Variants in COG5 observed in about 807,000 individuals in gnomAD.
COG5 encodes the protein component of oligomeric golgi complex 5.
Under a neutral mutation model 110.4 loss-of-function variants are expected in COG5, and 86 were observed. The observed-to-expected ratio is 0.78, with a 90% CI of 0.65 to 0.93. The LOEUF (loss-of-function observed/expected upper bound fraction) is 0.93, where lower values mean the gene tolerates loss of function less well. COG5 is among the 40% of genes least tolerant of loss of function. The probability of loss-of-function intolerance (pLI) is 0.00; values close to 1 mark genes in which losing one functional copy is unlikely to be tolerated. For missense variants in COG5, 1,077 were observed against 987.0 expected (o/e 1.09, Z -1.22); for synonymous variants, 360 against 334.6 (o/e 1.08, Z -0.83).
At chr7:107,288,503 TC>T (rs1392415888) in intron 12 of COG5, among the ~76,000 whole-genome samples, 2 of 152,118 alleles carry the variant, frequency 1.3e-5, no homozygotes, top group Non-Finnish European at 1.5e-5. Flanking sequence ...TTTATAGACA[TC>T]CTAGGGGGCG....
intron 12 of COG5, among the ~76,000 whole-genome samples, chr7:107,288,030 T>C (rs987734812): frequency 6.6e-6 from 1 of 152,102 alleles, no homozygotes; most frequent in South Asian, 2.1e-4. Context: ...TGGGTATACA[T>C]CTGGAGCGAA....
At chr7:107,286,828 A>C (rs1311399384) in intron 12 of COG5, among the ~76,000 whole-genome samples, 10 of 152,148 alleles carry the variant, frequency 6.6e-5, no homozygotes, top group East Asian at 5.8e-4. Context: ...AATTTAATCT[A>C]TCTCTTCTTA....
chr7:107,558,683 A>C (rs992949505), intron 1 of COG5, among the ~76,000 whole-genome samples: 3 of 151,716 alleles, frequency 2.0e-5, no homozygotes, highest in Non-Finnish European at 4.4e-5. Context: ...TCAGGAGATC[A>C]AGACCATCCT....
intron 6 of COG5, among the ~76,000 whole-genome samples, chr7:107,453,528 C>T (rs901530621): frequency 2.6e-5 from 4 of 152,120 alleles, no homozygotes; most frequent in African/African-American, 7.2e-5. Context: ...TCTTCTATAA[C>T]GAGGAAGAAC....
At chr7:107,205,253 A>G (rs1798677350) in intron 21 of COG5, among the ~76,000 whole-genome samples, 1 of 152,190 alleles carries the variant, frequency 6.6e-6, no homozygotes, top group Non-Finnish European at 1.5e-5. Context: ...ACTTAGCAGG[A>G]TCCAGCATTG....
intron 6 of COG5, among the ~76,000 whole-genome samples, chr7:107,468,112 T>C (rs1052329389): frequency 2.6e-5 from 4 of 152,172 alleles, no homozygotes; most frequent in African/African-American, 9.7e-5. Flanking sequence ...GATTATCCAA[T>C]TCTAAGTCCC....
At chr7:107,391,907 T>C (rs1563006782) in intron 7 of COG5, among the ~76,000 whole-genome samples, 2 of 152,236 alleles carry the variant, frequency 1.3e-5, no homozygotes, top group East Asian at 1.9e-4. Flanking sequence ...CTGGCCAACA[T>C]GGTGAAACCC....
chr7:107,470,078 G>C (rs1168918134), intron 6 of COG5: 1 of 152,112 alleles, frequency 6.6e-6, no homozygotes, highest in Non-Finnish European at 1.5e-5. Context: ...AAAGCTGCCC[G>C]AACAGGCTTT....
intron 21 of COG5, among the ~76,000 whole-genome samples, chr7:107,205,273 T>C (rs1316771482): frequency 6.6e-6 from 1 of 152,230 alleles, no homozygotes; most frequent in African/African-American, 2.4e-5. Flanking sequence ...GTGGAATTCC[T>C]GAAGGCTGGT....
chr7:107,508,247 CG>C, intron 6 of COG5, among the ~76,000 whole-genome samples: 1 of 152,358 alleles, frequency 6.6e-6, no homozygotes, highest in South Asian at 2.1e-4. Context: ...GCACCTGGCT[CG>C]GAGGGTCCTA....
In COG5 at chr7:107,362,370, G is replaced by A. The variant is rs1037267212; in HGVS notation, c.886C>T (p.Arg296Cys). The A allele has an allele frequency of 2.5e-6, 4 of 1,613,870 alleles. No individual in the cohort carries two copies. The highest frequency in any genetic ancestry group is 1.3e-5 in the African/African-American group (1 of 74,996). ...TCCATATTGGTCCAGAATGAGGCAC[G>A]CAAAGCTGCAGTATTTCCTGGGGTT... ...MPTPGNTAALRASFWTNMEKL... is the reference protein window; with the variant it reads ...MPTPGNTAALCASFWTNMEKL... The change falls in exon 9 of 22, where the codon CGT (arginine) becomes TGT (cysteine). Residue 296 changes from arginine (R) to cysteine (C), a missense_variant. By Grantham distance (180) the Arg-to-Cys change is radical. Transcript: ENST00000297135.
chr7:107,326,625 G>T (rs915535731), intron 10 of COG5, among the ~76,000 whole-genome samples: 3 of 152,090 alleles, frequency 2.0e-5, no homozygotes, highest in Non-Finnish European at 2.9e-5. Context: ...AAAACTACAC[G>T]ATATGGTTGA....
In COG5 at chr7:107,372,770, A is replaced by AGGTGG. The variant is rs1814298466; in HGVS notation, c.670-15_670-11dup. The AGGTGG allele has an allele frequency of 6.2e-7, 1 of 1,613,280 alleles. No homozygotes were observed. Among genetic ancestry groups the AGGTGG allele is most frequent in the African/African-American group, 1.3e-5 (1 of 75,016 alleles). ...CGACTTGAGTTGGATTCTTAAAAAAAGGTGGGGTGGGGTGGAAACAGATAT... is the reference window on the plus strand; with the variant it reads ...CGACTTGAGTTGGATTCTTAAAAAAAGGTGGGGTGGGGTGGGGTGGAAACAGATAT... On this transcript the variant is annotated splice_polypyrimidine_tract_variant and intron_variant, in intron 7 of 21. Coordinates refer to ENST00000297135, the MANE Select transcript of COG5 (RefSeq NM_006348.5).
At chr7:107,210,434 G>A in intron 21 of COG5, 92 bp downstream of exon 21, 1 of 1,530,640 alleles carries the variant, frequency 6.5e-7, no homozygotes, top group African/African-American at 1.4e-5. Context: ...ACATGTCCAT[G>A]CCCCCAGGCA....
Position 107,283,558 on chromosome 7 carries a change from A to T in COG5, c.1475+13T>A, listed in dbSNP as rs754348116. 5 of 1,609,780 alleles carry T rather than the reference A, an allele frequency of 3.1e-6. No individual in the cohort carries two copies. Among genetic ancestry groups the T allele is most frequent in the Non-Finnish European group, 3.4e-6 (4 of 1,176,214 alleles). On this transcript the variant is annotated intron_variant, in intron 13 of 21. Coordinates refer to ENST00000297135, the MANE Select transcript of COG5 (RefSeq NM_006348.5). ...GTCATCTTATGGCAAGCCACTATATAAAAAATACATACCTTGCTATAGTTT... is the reference window on the plus strand; with the variant it reads ...GTCATCTTATGGCAAGCCACTATATTAAAAATACATACCTTGCTATAGTTT...
At chr7:107,483,396 T>A (rs1027257934) in intron 6 of COG5, among the ~76,000 whole-genome samples, 1 of 152,014 alleles carries the variant, frequency 6.6e-6, no homozygotes, top group African/African-American at 2.4e-5. Flanking sequence ...CAGCTGCTAG[T>A]GAATACAACT....
chr7:107,208,832 A>C (rs1381355867), intron 21 of COG5: 4 of 985,356 alleles, frequency 4.1e-6, no homozygotes, highest in Non-Finnish European at 4.8e-6. Flanking sequence ...TTCTGGAAAC[A>C]AAGCTGACAG....
chr7:107,429,860 C>A (rs1072117), intron 6 of COG5, among the ~76,000 whole-genome samples: 20,097 of 152,160 alleles, frequency 0.13, 1,710 homozygotes, highest in East Asian at 0.32. Context: ...CTCCCTAGCC[C>A]CATGGAACTG....
chr7:107,210,195 TG>T, intron 21 of COG5: 2 of 1,161,596 alleles, frequency 1.7e-6, no homozygotes, highest in Non-Finnish European at 2.1e-6. Flanking sequence ...CACATAAAAA[TG>T]AAGTAAAAGA....
Sources: allele counts gnomAD v4.1 joint callset (sites outside exome capture counted in the v4.1 genomes callset), GRCh38; gene constraint gnomAD v4.1.1; transcripts MANE v1.5; gene names NCBI Gene and HGNC (gene_info 2026-07-23, HGNC 2026-07-21).